The following SRGAP3 variants were observed in gnomAD, a reference collection of about 807,000 sequenced individuals.
The protein encoded by SRGAP3 is SLIT-ROBO Rho GTPase activating protein 3, also known as SLIT-ROBO Rho GTPase-activating protein 3.
SRGAP3 carries 39 observed loss-of-function variants against 121.1 expected under a neutral mutation model. That is an observed-to-expected ratio of 0.32 (90% CI 0.25 to 0.42). SRGAP3 has a LOEUF of 0.42. SRGAP3 is among the 10% of genes least tolerant of loss of function. The pLI, the probability that SRGAP3 is intolerant of heterozygous loss-of-function variation, is 1.00. For synonymous variants in SRGAP3, 601 were observed against 570.0 expected, an observed-to-expected ratio of 1.05 and a Z score of -0.77; for missense variants, 1,213 against 1,470.6, an observed-to-expected ratio of 0.82 and a Z score of 2.86.
intron 3 of SRGAP3, among the ~76,000 whole-genome samples, chr3:9,283,524 G>A (rs1319281716): frequency 6.6e-6 from 1 of 152,126 alleles, no homozygotes; most frequent in Admixed American, 6.6e-5. Flanking sequence ...AAGCTGTCAG[G>A]CTCAGGGCAG....
chr3:9,300,159 C>CCACCATCACCATCACCACTACCCCCAA (rs1955029443), intron 3 of SRGAP3, among the ~76,000 whole-genome samples: 1 of 262 alleles, frequency 3.8e-3, no homozygotes, highest in Admixed American at 0.062. Context: ...GTCACCACCA[C>CCACCATCACCATCACCACTACCCCCAA]CATCATCATC....
At chr3:9,294,880 A>G (rs2125271977) in intron 3 of SRGAP3, among the ~76,000 whole-genome samples, 1 of 152,300 alleles carries the variant, frequency 6.6e-6, no homozygotes, top group East Asian at 1.9e-4. Flanking sequence ...TGCCAATAAA[A>G]TAAGCTATTA....
chr3:9,158,000 A>G (rs1160101537), intron 1 of SRGAP3, among the ~76,000 whole-genome samples: 1 of 152,226 alleles, frequency 6.6e-6, no homozygotes, highest in South Asian at 2.1e-4. Flanking sequence ...GTAGTCTCTG[A>G]AAGTCCACCT....
chr3:9,228,620 G>A (rs1953079956), intron 1 of SRGAP3, among the ~76,000 whole-genome samples: 1 of 152,124 alleles, frequency 6.6e-6, no homozygotes, highest in Non-Finnish European at 1.5e-5. Flanking sequence ...GATGCAGCCT[G>A]GACTTCATTG....
chr3:9,066,168 G>A (rs1315893050), intron 4 of SRGAP3, among the ~76,000 whole-genome samples: 1 of 152,044 alleles, frequency 6.6e-6, no homozygotes, highest in Non-Finnish European at 1.5e-5. Context: ...AACACTGGCT[G>A]GGCTGCTCCA....
At chr3:9,155,412 A>G (rs1277209160) in intron 1 of SRGAP3, among the ~76,000 whole-genome samples, 1 of 152,114 alleles carries the variant, frequency 6.6e-6, no homozygotes, top group Non-Finnish European at 1.5e-5. Context: ...TGATTTTTCA[A>G]TCCCAGAACT....
At chr3:9,326,895 A>C (rs1955528963) in intron 2 of SRGAP3, among the ~76,000 whole-genome samples, 1 of 151,872 alleles carries the variant, frequency 6.6e-6, no homozygotes, top group African/African-American at 2.4e-5. Context: ...CATTAGTCTG[A>C]TACAGAGGAG....
chr3:9,267,895 G>C (rs1227339882), intron 3 of SRGAP3, among the ~76,000 whole-genome samples: 1 of 152,050 alleles, frequency 6.6e-6, no homozygotes, highest in Non-Finnish European at 1.5e-5. Context: ...ATTATCTCAG[G>C]GAATCCCTAT....
intron 1 of SRGAP3, among the ~76,000 whole-genome samples, chr3:9,159,632 C>A (rs1164989731): frequency 2.7e-5 from 4 of 146,640 alleles, no homozygotes; most frequent in African/African-American, 4.9e-5. Context: ...ATATAACAAA[C>A]CTGCACGTAT....
intron 1 of SRGAP3, among the ~76,000 whole-genome samples, chr3:9,132,960 T>G (rs144657190): frequency 1.3e-5 from 2 of 151,208 alleles, no homozygotes; most frequent in East Asian, 3.9e-4. Context: ...CAAACTACCA[T>G]GATCGTGTGC....
At chr3:9,258,991 C>T (rs189623019) in intron 3 of SRGAP3, among the ~76,000 whole-genome samples, 46 of 152,318 alleles carry the variant, frequency 3.0e-4, no homozygotes, top group Non-Finnish European at 5.9e-5. Flanking sequence ...CCCCATGAGC[C>T]CACGGGATTG....
chr3:9,352,464 G>T (rs113412570), intron 1 of SRGAP3, among the ~76,000 whole-genome samples: 5 of 151,944 alleles, frequency 3.3e-5, no homozygotes, highest in Middle Eastern at 3.2e-3. Context: ...AGTAGAGATA[G>T]GGTTTCACCA....
At chr3:9,038,462 T>C (rs931416776) in intron 10 of SRGAP3, among the ~76,000 whole-genome samples, 2 of 152,222 alleles carry the variant, frequency 1.3e-5, no homozygotes, top group African/African-American at 4.8e-5. Context: ...AAATCTGCAT[T>C]TTAACTACCA....
intron 10 of SRGAP3, among the ~76,000 whole-genome samples, chr3:9,046,999 T>A (rs993942232): frequency 1.3e-5 from 2 of 151,824 alleles, no homozygotes; most frequent in Non-Finnish European, 2.9e-5. Context: ...CCCGGCTAAT[T>A]TTTTGTATTT....
rs71049766 is a variant in SRGAP3 at position 9,051,017 on chromosome 3, C to CTTTTTTTT, written c.1323+2002_1323+2009dup. ...AATCCAATCAATATTAGCCTCATTG[C>CTTTTTTTT]TTTTTTTTTTTTTTTTTTTTTTTTT... On this transcript the variant is annotated intron_variant, in intron 9 of 21. Transcript: ENST00000383836. Among the ~76,000 whole-genome samples the CTTTTTTTT allele has an allele frequency of 6.1e-5, 5 of 81,858 alleles. 1 individual carries two copies. The highest frequency in any genetic ancestry group is 7.1e-5 in the Non-Finnish European group (3 of 42,436). The allele number at this position is 81,858 out of a possible 152,430, so 53.7% of individuals were successfully genotyped here.
chr3:9,199,478 T>G (rs1952008963), intron 1 of SRGAP3, among the ~76,000 whole-genome samples: 1 of 152,226 alleles, frequency 6.6e-6, no homozygotes, highest in South Asian at 2.1e-4. Context: ...GTTTTTTTCT[T>G]TGTTCACTTT....
chr3:9,101,686 C>G (rs917115218), intron 3 of SRGAP3, among the ~76,000 whole-genome samples: 1 of 152,208 alleles, frequency 6.6e-6, no homozygotes, highest in African/African-American at 2.4e-5. Context: ...TCCTTTGTTC[C>G]TCTGAAGCCC....
At chr3:9,231,090 C>T (rs560972883) in intron 1 of SRGAP3, among the ~76,000 whole-genome samples, 22 of 152,176 alleles carry the variant, frequency 1.4e-4, no homozygotes, top group African/African-American at 4.8e-4. Context: ...CCAGCTTTGT[C>T]GAGCCACTGG....
intron 12 of SRGAP3, among the ~76,000 whole-genome samples, chr3:9,031,514 G>A (rs999315275): frequency 6.6e-6 from 1 of 152,092 alleles, no homozygotes; most frequent in African/African-American, 2.4e-5. Flanking sequence ...CCCAACTTGG[G>A]CCCTGGTCTT....
Sources: allele counts gnomAD v4.1 joint callset (sites outside exome capture counted in the v4.1 genomes callset), GRCh38; gene constraint gnomAD v4.1.1; transcripts MANE v1.5; gene names NCBI Gene and HGNC (gene_info 2026-07-23, HGNC 2026-07-21).